AGRN: variants seen among roughly 807,000 people sequenced by gnomAD.
AGRN encodes agrin proteoglycan.
In AGRN, 106 loss-of-function variants were observed where a neutral mutation model predicts 211.0. That is an observed-to-expected ratio of 0.50 (90% CI 0.43 to 0.59). AGRN has a LOEUF of 0.59. Among genes scored for constraint, AGRN ranks in the 20% least tolerant of loss-of-function variants. The probability of loss-of-function intolerance (pLI) is 0.00; values close to 1 mark genes in which losing one functional copy is unlikely to be tolerated. For missense variants in AGRN, 3,040 were observed against 2,982.6 expected (o/e 1.02, Z -0.45); for synonymous variants, 1,525 against 1,332.5 (o/e 1.14, Z -3.15).
intron 2 of AGRN, among the ~76,000 whole-genome samples, chr1:1,029,463 CTA>C (rs1252525308): frequency 2.2e-5 from 1 of 46,376 alleles, no homozygotes; most frequent in Non-Finnish European, 4.6e-5. Flanking sequence ...CATCCCGTGT[CTA>C]TGAGGGCAGG....
rs1645273828 is a variant in AGRN, at chr1:1,051,132, G to A, written c.5254-121G>A. The A allele has an allele frequency of 1.1e-5, 15 of 1,341,384 alleles. No individual in the cohort carries two copies. The Admixed American group carries it at 2.2e-4, about 20-fold the overall frequency. The allele number at this position is 1,341,384 out of a possible 1,614,324, so 83.1% of individuals were successfully genotyped here. Reference sequence around the variant, plus strand: ...CCACTAAGGACCCTGCCATTTCTGTGTGATTAACGCTGCCCCCTAGATAGG... The same window carrying A: ...CCACTAAGGACCCTGCCATTTCTGTATGATTAACGCTGCCCCCTAGATAGG... On this transcript the variant is annotated intron_variant, in intron 30 of 35. Transcript: ENST00000379370.
chr1:1,045,031 C>A, intron 12 of AGRN, 130 bp from the exon 13 acceptor site: 2 of 986,076 alleles, frequency 2.0e-6, no homozygotes, highest in East Asian at 5.0e-5. Context: ...CCCAGGCTCC[C>A]GGGCTCCTCT....
intron 33 of AGRN, 108 bp from the exon 34 acceptor site, chr1:1,053,645 C>G: frequency 8.1e-6 from 12 of 1,489,958 alleles, no homozygotes; most frequent in South Asian, 6.1e-5. Context: ...CCCTGGGTCC[C>G]GTCACAGCCC....
Position 1,035,320 on chromosome 1 carries a change from T to C in AGRN, c.507T>C (p.Pro169=). The C allele has an allele frequency of 6.2e-7, 1 of 1,613,080 alleles. No individual in the cohort carries two copies. Among genetic ancestry groups the C allele is most frequent in the Non-Finnish European group, 8.5e-7 (1 of 1,179,964 alleles). ...TCACTCCAGTGCCTCCGACGCCTCC[T>C]GATGGTGAGTAGGGCTGAGTTCGGG... ...THFTPVPPTP[P]DACRGMLCGF... The change falls in exon 3 of 36, where the codon CCT becomes CCC. Residue 169 remains proline, a synonymous_variant. Transcript: ENST00000379370.
At chr1:1,030,085 G>A (rs1434303455) in intron 2 of AGRN, among the ~76,000 whole-genome samples, 1 of 118,762 alleles carries the variant, frequency 8.4e-6, no homozygotes, top group Admixed American at 9.3e-5. Flanking sequence ...GCAGTGCCTG[G>A]TGCTGTGAGA....
Position 1,043,541 on chromosome 1 carries a change from G to T in AGRN, c.1607G>T (p.Arg536Leu), listed in dbSNP as rs369083997. The T allele has an allele frequency of 1.2e-6, 2 of 1,603,744 alleles. No homozygotes were observed. Among genetic ancestry groups the T allele is most frequent in the Non-Finnish European group, 8.5e-7 (1 of 1,179,796 alleles). Reference protein sequence around the residue: ...IQVARKGPCDRCGQCRFGALC... With the variant: ...IQVARKGPCDLCGQCRFGALC... ...GGTGATGGAAGCTCCTCCCCAGACC[G>T]CTGCGGGCAGTGCCGCTTTGGAGCC... Residue 536 changes from arginine (R) to leucine (L), a missense_variant, in exon 9 of 36, where the codon CGC becomes CTC. Around this residue, in one of 3 missense-constraint regions of AGRN, gnomAD observed 1,498 missense variants for 1,457.8 expected, o/e 1.03. Coordinates refer to ENST00000379370, the MANE Select transcript of AGRN (RefSeq NM_198576.4).
In AGRN at chr1:1,049,066, G is replaced by C. The variant is rs201995572; in HGVS notation, c.4298+7G>C. ...ATGGCCGCGTGCAGCTCAGGTGGGC[G>C]GGGAGGGGACGGGGCCGGGGCAGCT... On this transcript the variant is annotated splice_region_variant and intron_variant, in intron 24 of 35. Transcript: ENST00000379370. 2.6e-6 allele frequency: 4 copies of C among 1,523,588 alleles called. No homozygotes were observed. The highest frequency in any genetic ancestry group is 2.9e-5 in the African/African-American group (2 of 67,804). The allele number at this position is 1,523,588 out of a possible 1,614,324, so 94.4% of individuals were successfully genotyped here.
Position 1,054,521 on chromosome 1 carries a change from C to T in AGRN, c.5950C>T (p.Gln1984Ter). 1 of 1,602,580 alleles carries T rather than the reference C, an allele frequency of 6.2e-7. No individual in the cohort carries two copies. The highest frequency in any genetic ancestry group is 1.1e-5 in the South Asian group (1 of 88,970). The change falls in exon 35 of 36, where the codon CAG (glutamine) becomes TAG (stop). Residue 1984 changes from glutamine (Q) to a stop codon, truncating the protein, a stop_gained. Coordinates refer to ENST00000379370, the MANE Select transcript of AGRN (RefSeq NM_198576.4). LOFTEE classifies it high-confidence loss of function. Reference sequence around the variant, plus strand: ...CGGCTCCTCCCCGCTGGGCGCCACGCAGCTGGACACTGATGGAGCCCTGTG... The same window carrying T: ...CGGCTCCTCCCCGCTGGGCGCCACGTAGCTGGACACTGATGGAGCCCTGTG... The part of the protein sequence containing the change: ...VTGSSPLGAT[Q>*]LDTDGALWLG...
chr1:1,048,587 A>C lies in AGRN; in HGVS notation c.4105+222A>C. On this transcript the variant is annotated intron_variant, in intron 23 of 35. Coordinates refer to ENST00000379370, the MANE Select transcript of AGRN (RefSeq NM_198576.4). The surrounding 1 kb of genome is among the most constrained non-coding windows in gnomAD (Gnocchi z 5.9). Reference sequence around the variant, plus strand: ...GGAGTTCGAGACCAGCCTGACCAACATGGAGACACTCTGTCTCTACTAAAA... The same window carrying C: ...GGAGTTCGAGACCAGCCTGACCAACCTGGAGACACTCTGTCTCTACTAAAA... 1 of 588,898 alleles carries C rather than the reference A, an allele frequency of 1.7e-6. No homozygotes were observed. Among genetic ancestry groups the C allele is most frequent in the Non-Finnish European group, 2.9e-6 (1 of 339,912 alleles). The allele number at this position is 588,898 out of a possible 1,614,324, so 36.5% of individuals were successfully genotyped here.
rs754418194 is a variant in AGRN, at chr1:1,049,689, C to T, written c.4638C>T (p.Gly1546=). The stretch of plus-strand genomic sequence containing the variant: ...CTGCCACCCGAGGCTCTGGCGTGGG[C>T]GAGTGCGGGGACCACCCCTGCCTGC... ...PGAATRGSGV[G]ECGDHPCLPN... Residue 1546 remains glycine, a synonymous_variant, in exon 26 of 36, where the codon GGC becomes GGT. Transcript: ENST00000379370. 28 of 1,573,138 alleles carry T rather than the reference C, an allele frequency of 1.8e-5. No homozygotes were observed. The highest frequency in any genetic ancestry group is 1.7e-4 in the Middle Eastern group (1 of 6,010).
chr1:1,043,127 C>G (rs1644990407), intron 7 of AGRN, 112 bp from the exon 8 acceptor site: 2 of 1,230,478 alleles, frequency 1.6e-6, no homozygotes, highest in Non-Finnish European at 2.3e-6. Flanking sequence ...CCTGTGTTCT[C>G]TCTTCCTCCA....
At chr1:1,050,953 G>A (rs922499970) in intron 30 of AGRN, 116 bp downstream of exon 30, 11 of 1,547,128 alleles carry the variant, frequency 7.1e-6, no homozygotes, top group South Asian at 2.4e-5. Flanking sequence ...TCTCTTGGCC[G>A]CCTGCCCTGT....
intron 2 of AGRN, chr1:1,034,335 T>C: frequency 1.0e-6 from 1 of 985,456 alleles, no homozygotes; most frequent in Non-Finnish European, 1.2e-6. Context: ...TTGGGATTTC[T>C]ACTCCGGGAG....
At position 1,050,303 on chromosome 1, in the gene AGRN, C is replaced by G; in HGVS notation, c.4950C>G (p.Gly1650=). 1.2e-6 allele frequency: 2 copies of G among 1,612,982 alleles called. No individual in the cohort carries two copies. Among genetic ancestry groups the G allele is most frequent in the Non-Finnish European group, 1.7e-6 (2 of 1,179,914 alleles). ...FNGFSHLELR[G]LHTFARDLGE... Reference sequence around the variant, plus strand: ...GCTTCTCCCACCTGGAGCTGAGAGGCCTGCACACCTTTGCACGGGACCTGG... The same window carrying G: ...GCTTCTCCCACCTGGAGCTGAGAGGGCTGCACACCTTTGCACGGGACCTGG... Residue 1650 remains glycine (G), a synonymous_variant, in exon 28 of 36, where the codon GGC becomes GGG. Transcript: ENST00000379370.
rs1305657494 is a variant in AGRN, at chr1:1,041,409, G to A, written c.952+12G>A. On this transcript the variant is annotated intron_variant, in intron 5 of 35. Transcript: ENST00000379370. ...CGACGGCCCTTGTGGTGAGCGCGGC[G>A]GCGGGCGCACGGCTCGAGCTCTGTG... 4 of 1,544,638 alleles carry A rather than the reference G, an allele frequency of 2.6e-6. No homozygotes were observed. Among genetic ancestry groups the A allele is most frequent in the South Asian group, 1.2e-5 (1 of 85,250 alleles).
Position 1,054,999 on chromosome 1 carries a change from G to C in AGRN, c.*18G>C, listed in dbSNP as rs1022051904. The C allele has an allele frequency of 6.5e-7, 1 of 1,547,390 alleles. No individual in the cohort carries two copies. The highest frequency in any genetic ancestry group is 8.7e-7 in the Non-Finnish European group (1 of 1,146,784). ...CCCCATGAGCTGGCACCAGAGCCCC[G>C]CGCCCGCTGTAATTATTTTCTATTT... On this transcript the variant is annotated 3_prime_UTR_variant, in exon 36 of 36. Coordinates refer to ENST00000379370, the MANE Select transcript of AGRN (RefSeq NM_198576.4).
At chr1:1,053,614 C>A in intron 33 of AGRN, 139 bp from the exon 34 acceptor site, 1 of 1,488,864 alleles carries the variant, frequency 6.7e-7, no homozygotes, top group Non-Finnish European at 9.1e-7. Flanking sequence ...CTCCCACTGT[C>A]GGTGTCTGCC....
Position 1,055,617 on chromosome 1 carries a change from T to C in AGRN, c.*636T>C. The C allele has an allele frequency of 5.9e-6, 1 of 170,414 alleles. No individual in the cohort carries two copies. Among genetic ancestry groups the C allele is most frequent in the South Asian group, 1.5e-4 (1 of 6,660 alleles). The allele number at this position is 170,414 out of a possible 1,614,324, so 10.6% of individuals were successfully genotyped here. A position where few individuals can be genotyped will look rare whatever the true frequency, so the allele number is the denominator to read the frequency against. ...GCCACCCTGGACGTGACCGTATCCC[T>C]CTGCCACACCCCAGGCCCTGCGAGG... On this transcript the variant is annotated 3_prime_UTR_variant, in exon 36 of 36. Coordinates refer to ENST00000379370, the MANE Select transcript of AGRN (RefSeq NM_198576.4).
Position 1,047,915 on chromosome 1 carries a change from C to T in AGRN, c.3751+20C>T, listed in dbSNP as rs1645147540. The T allele has an allele frequency of 1.9e-6, 3 of 1,603,726 alleles. No homozygotes were observed. The highest frequency in any genetic ancestry group is 2.6e-6 in the Non-Finnish European group (3 of 1,175,956). ...ACTTTGGTGAGCGCCAGGCCACGAG[C>T]CACAGCTTACCTGCCCCCTCCTCTG... On this transcript the variant is annotated intron_variant, in intron 22 of 35. Coordinates refer to ENST00000379370, the MANE Select transcript of AGRN (RefSeq NM_198576.4).
Sources: gnomAD v4.1 joint callset for allele counts (sites outside exome capture counted in the v4.1 genomes callset) on GRCh38, gnomAD v4.1.1 for gene constraint, gnomAD v4.1.1 regional missense constraint, Gnocchi (gnomAD v3.1) non-coding constraint, MANE v1.5 for transcripts, NCBI Gene and HGNC (gene_info 2026-07-23, HGNC 2026-07-21) for gene names.